The following ITGA2 variants were observed in gnomAD, a reference collection of about 807,000 sequenced individuals.
ITGA2 encodes integrin subunit alpha 2, also known as integrin alpha-2.
ITGA2 carries 101 observed loss-of-function variants against 146.3 expected under a neutral mutation model. That is an observed-to-expected ratio of 0.69 (90% CI 0.59 to 0.81). The LOEUF (loss-of-function observed/expected upper bound fraction) is 0.81. ITGA2 is among the 40% of genes least tolerant of loss of function. The probability of loss-of-function intolerance (pLI) is 0.00; values close to 1 mark genes in which losing one functional copy is unlikely to be tolerated. For missense variants in ITGA2, 1,281 were observed against 1,402.7 expected, an observed-to-expected ratio of 0.91 and a Z score of 1.39; for synonymous variants, 477 against 487.1, an observed-to-expected ratio of 0.98 and a Z score of 0.27.
At chr5:53,060,754 C>A in intron 11 of ITGA2, 147 bp from the exon 12 acceptor site, 1 of 766,894 alleles carries the variant, frequency 1.3e-6, no homozygotes, top group Middle Eastern at 2.5e-4. Flanking sequence ...AAAAGGAAGA[C>A]ATGTCCTCAG....
intron 2 of ITGA2, among the ~76,000 whole-genome samples, chr5:53,033,491 T>C (rs1052251153): frequency 1.2e-4 from 18 of 152,140 alleles, no homozygotes; most frequent in African/African-American, 3.4e-4. Context: ...TTATATCTCT[T>C]TCAAAGATAA....
At chr5:52,998,212 G>A (rs3099457) in intron 1 of ITGA2, among the ~76,000 whole-genome samples, 14,702 of 152,142 alleles carry the variant, frequency 0.097, 893 homozygotes, top group East Asian at 0.18. Context: ...GCTCATGCCT[G>A]TAATCCCAGC....
chr5:53,026,825 T>G lies in ITGA2; in HGVS notation c.142T>G (p.Phe48Val). 1 of 1,613,638 alleles carries G rather than the reference T, an allele frequency of 6.2e-7. No individual in the cohort carries two copies. The highest frequency in any genetic ancestry group is 8.5e-7 in the Non-Finnish European group (1 of 1,179,588). ...ATTTTCCGGTCCTTCAAGTGAACAG[T>G]TTGGCTATGCAGTGCAGCAGTTTAT... ...KIFSGPSSEQFGYAVQQFINP... is the reference protein window; with the variant it reads ...KIFSGPSSEQVGYAVQQFINP... Residue 48 changes from phenylalanine (F) to valine (V), a missense_variant, in exon 2 of 30, where the codon TTT becomes GTT. Physicochemically the swap from Phe to Val is conservative, Grantham distance 50. Coordinates refer to ENST00000296585, the MANE Select transcript of ITGA2 (RefSeq NM_002203.4).
At chr5:53,086,884 T>C in intron 27 of ITGA2, 68 bp from the exon 28 acceptor site, 1 of 1,229,474 alleles carries the variant, frequency 8.1e-7, no homozygotes, top group Non-Finnish European at 1.2e-6. Context: ...ACATAAATCA[T>C]AAGCATGCCA....
Position 53,089,981 on chromosome 5 carries a change from C to T in ITGA2, c.3384C>T (p.Ala1128=), listed in dbSNP as rs376779752. 7 of 1,612,582 alleles carry T rather than the reference C, an allele frequency of 4.3e-6. No individual in the cohort carries two copies. Among genetic ancestry groups the T allele is most frequent in the South Asian group, 1.1e-5 (1 of 91,056 alleles). Residue 1128 remains alanine (A), a synonymous_variant, in exon 29 of 30, where the codon GCC becomes GCT. Transcript: ENST00000296585. ...PLMIMKPDEK[A]EVPTGVIIGS... is the part of the protein sequence containing the mutation. ...TGATAATGAAACCTGATGAGAAAGC[C>T]GAAGTACCAACAGGAGTTATAATAG...
intron 10 of ITGA2, among the ~76,000 whole-genome samples, chr5:53,058,665 G>C (rs1309375961): frequency 6.6e-6 from 1 of 151,162 alleles, no homozygotes; most frequent in African/African-American, 2.4e-5. Flanking sequence ...AGGTGAGAGA[G>C]ATAGTGAAAG....
intron 1 of ITGA2, among the ~76,000 whole-genome samples, chr5:53,001,282 C>G (rs1255442003): frequency 6.6e-6 from 1 of 152,146 alleles, no homozygotes; most frequent in Non-Finnish European, 1.5e-5. Flanking sequence ...TGAGGTTTAT[C>G]TGAGGTGCGA....
rs529411133 is a variant in ITGA2, at chr5:53,045,108, A to G, written c.387+16A>G. On this transcript the variant is annotated intron_variant, in intron 4 of 29. Coordinates refer to ENST00000296585, the MANE Select transcript of ITGA2 (RefSeq NM_002203.4). ...AGGTTTTCTCGTGAGTGTTTACTTT[A>G]CAAATCATTATTCCTCTCAAGAAAG... 1.4e-5 allele frequency: 22 copies of G among 1,573,506 alleles called. No homozygotes were observed. The highest frequency in any genetic ancestry group is 8.3e-5 in the Admixed American group (5 of 59,958).
chr5:53,081,646 T>A lies in ITGA2; in HGVS notation c.3094T>A (p.Ser1032Thr), dbSNP rs1220898350. The A allele has an allele frequency of 6.2e-7, 1 of 1,612,672 alleles. No homozygotes were observed. The highest frequency in any genetic ancestry group is 8.5e-7 in the Non-Finnish European group (1 of 1,179,234). The change falls in exon 26 of 30, where the codon TCT becomes ACT. Residue 1032 changes from serine (S) to threonine (T), a missense_variant. Transcript: ENST00000296585. ...CAATCCACTGAAAATAGGACAAACA[T>A]CTTCTTCTGTATCTTTCAAAAGTGA... ...DINPLKIGQT[S>T]SSVSFKSENF...
intron 1 of ITGA2, among the ~76,000 whole-genome samples, chr5:52,991,015 G>A (rs1410041224): frequency 6.6e-6 from 1 of 152,044 alleles, no homozygotes; most frequent in Non-Finnish European, 1.5e-5. Flanking sequence ...TTGAAATGTT[G>A]AGGCTTGTTA....
chr5:53,058,170 T>C lies in ITGA2; in HGVS notation c.1173+69T>C. The C allele has an allele frequency of 4.3e-6, 5 of 1,168,452 alleles. No individual in the cohort carries two copies. The South Asian group carries it at 4.9e-5, about 11-fold the overall frequency. The allele number at this position is 1,168,452 out of a possible 1,614,324, so 72.4% of individuals were successfully genotyped here. Reference sequence around the variant, plus strand: ...AACACTTCCAGACACAGTAGCCTTATACATAAAATGGGAAGACAGCCATCT... The same window carrying C: ...AACACTTCCAGACACAGTAGCCTTACACATAAAATGGGAAGACAGCCATCT... On this transcript the variant is annotated intron_variant, in intron 10 of 29. Transcript: ENST00000296585.
intron 1 of ITGA2, among the ~76,000 whole-genome samples, chr5:53,012,878 G>A (rs1742209250): frequency 6.6e-6 from 1 of 151,952 alleles, no homozygotes; most frequent in South Asian, 2.1e-4. Context: ...TCATATACTT[G>A]TTGGCCACAT....
At chr5:53,027,517 T>C (rs1290689546) in intron 2 of ITGA2, among the ~76,000 whole-genome samples, 1 of 152,206 alleles carries the variant, frequency 6.6e-6, no homozygotes, top group Admixed American at 6.5e-5. Flanking sequence ...TCAATGGAGA[T>C]GGAAATCTAG....
intron 2 of ITGA2, among the ~76,000 whole-genome samples, chr5:53,041,862 G>A (rs1743811974): frequency 2.0e-5 from 3 of 152,218 alleles, no homozygotes; most frequent in Non-Finnish European, 2.9e-5. Context: ...TTCGTAGCTT[G>A]CATTATATTT....
At chr5:53,035,344 ATTTC>A (rs1467131286) in intron 2 of ITGA2, among the ~76,000 whole-genome samples, 4 of 152,206 alleles carry the variant, frequency 2.6e-5, no homozygotes, top group Non-Finnish European at 5.9e-5. Flanking sequence ...TATTGATTAT[ATTTC>A]TTCTAGTGCC....
chr5:53,030,669 A>G (rs754494905), intron 2 of ITGA2, among the ~76,000 whole-genome samples: 48 of 152,220 alleles, frequency 3.2e-4, no homozygotes, highest in Non-Finnish European at 2.8e-4. Context: ...TCTAAACTAC[A>G]TGAGGTGCAA....
intron 1 of ITGA2, among the ~76,000 whole-genome samples, chr5:53,013,347 A>T (rs1742235576): frequency 6.6e-6 from 1 of 151,164 alleles, no homozygotes; most frequent in African/African-American, 2.4e-5. Context: ...CCATTTAGTA[A>T]ATGGGCAGTC....
At chr5:53,080,485 A>C (rs763687591) in intron 24 of ITGA2, 26 bp from the exon 25 acceptor site, 1 of 1,565,764 alleles carries the variant, frequency 6.4e-7, no homozygotes, top group Non-Finnish European at 8.8e-7. Flanking sequence ...CTGTTGCAGT[A>C]CTGGCACATT....
At chr5:52,993,856 TA>T (rs1741092267) in intron 1 of ITGA2, among the ~76,000 whole-genome samples, 1 of 149,638 alleles carries the variant, frequency 6.7e-6, no homozygotes, top group Non-Finnish European at 1.5e-5. Flanking sequence ...GGGATATTAG[TA>T]AAAGATTTAG....
Sources: gnomAD v4.1 joint callset for allele counts (sites outside exome capture counted in the v4.1 genomes callset) on GRCh38, gnomAD v4.1.1 for gene constraint, MANE v1.5 for transcripts, NCBI Gene and HGNC (gene_info 2026-07-23, HGNC 2026-07-21) for gene names.